PLEKHH1: variants seen among roughly 807,000 people sequenced by gnomAD.
PLEKHH1 encodes pleckstrin homology, MyTH4 and FERM domain containing H1, also known as pleckstrin homology domain-containing family H member 1.
A neutral mutation model predicts 160.0 loss-of-function variants in PLEKHH1; 104 were observed. The observed-to-expected ratio is 0.65, with a 90% CI of 0.55 to 0.76. The LOEUF (loss-of-function observed/expected upper bound fraction) is 0.76. Among genes scored for constraint, PLEKHH1 ranks in the 30% least tolerant of loss-of-function variants. The pLI, the probability that PLEKHH1 is intolerant of heterozygous loss-of-function variation, is 0.00. For synonymous variants in PLEKHH1, 619 were observed against 678.4 expected (o/e 0.91, Z 1.36); for missense variants, 1,427 against 1,724.1 (o/e 0.83, Z 3.05).
Position 67,569,985 on chromosome 14 carries a change from T to C in PLEKHH1, c.1407T>C (p.Thr469=), listed in dbSNP as rs1170138162. The change falls in exon 9 of 29, where the codon ACT becomes ACC. Residue 469 remains threonine (T), a synonymous_variant. Transcript: ENST00000329153. ...SFSGLVYKNV[T]VPVYTALKGR... ...CTGGCCTGGTCTACAAGAATGTCAC[T>C]GTGCCTGTCTACACAGCACTGAAGG... 16 of 1,606,464 alleles carry C rather than the reference T, an allele frequency of 1.0e-5. No individual in the cohort carries two copies. In the Admixed American group the frequency reaches 1.7e-4, roughly 17 times the overall value.
Position 67,562,204 on chromosome 14 carries a change from C to T in PLEKHH1, c.573C>T (p.Val191=), listed in dbSNP as rs2034871744. 1.2e-6 allele frequency: 2 copies of T among 1,611,350 alleles called. No homozygotes were observed. Among genetic ancestry groups the T allele is most frequent in the African/African-American group, 2.7e-5 (2 of 74,886 alleles). ...PPYGAAEQDS[V]PSEPGIQPMG... is the part of the protein sequence containing the mutation. The stretch of plus-strand genomic sequence containing the variant: ...ACGGAGCTGCAGAGCAGGATTCTGT[C>T]CCTTCAGAGCCGGGAATCCAGCCTA... Residue 191 remains valine, a synonymous_variant, in exon 7 of 29, where the codon GTC becomes GTT. Transcript: ENST00000329153.
At position 67,587,598 on chromosome 14, in the gene PLEKHH1, G is replaced by A. The variant is rs117101754; in HGVS notation, c.*363G>A. ...CTCAAGGAAGCTAATTTTCTTTCTG[G>A]GGGGGGCGGGGGACACAGTGTCACT... On this transcript the variant is annotated 3_prime_UTR_variant, in exon 29 of 29. Transcript: ENST00000329153. 2 of 290,006 alleles carry A rather than the reference G, an allele frequency of 6.9e-6. No homozygotes were observed. The highest frequency in any genetic ancestry group is 1.3e-5 in the Non-Finnish European group (2 of 150,120). The allele number at this position is 290,006 out of a possible 1,614,324, so 18.0% of individuals were successfully genotyped here.
At chr14:67,560,732 T>C (rs1266849603) in intron 5 of PLEKHH1, among the ~76,000 whole-genome samples, 5 of 149,980 alleles carry the variant, frequency 3.3e-5, no homozygotes, top group Admixed American at 6.6e-5. Context: ...TATATCTTTT[T>C]TTTTTTTTTT....
intron 3 of PLEKHH1, among the ~76,000 whole-genome samples, chr14:67,556,180 T>C (rs1481641215): frequency 6.6e-6 from 1 of 152,214 alleles, no homozygotes; most frequent in Non-Finnish European, 1.5e-5. Context: ...CCATTGAGGG[T>C]TAGCCAGTGA....
Position 67,557,437 on chromosome 14 carries a change from G to T in PLEKHH1, c.339+19G>T. 6.2e-7 allele frequency: 1 copy of T among 1,609,670 alleles called. No homozygotes were observed. The highest frequency in any genetic ancestry group is 1.1e-5 in the South Asian group (1 of 90,842). ...GAAGCAGGTAAGGGCTCATGCGCAAGGGAGCACCATGCCCTCTTCGACATC... is the reference window on the plus strand; with the variant it reads ...GAAGCAGGTAAGGGCTCATGCGCAATGGAGCACCATGCCCTCTTCGACATC... On this transcript the variant is annotated intron_variant, in intron 4 of 28. Coordinates refer to ENST00000329153, the MANE Select transcript of PLEKHH1 (RefSeq NM_020715.3).
chr14:67,571,789 A>G lies in PLEKHH1; in HGVS notation c.1472A>G (p.Glu491Gly). The change falls in exon 10 of 29, where the codon GAG becomes GGG. Residue 491 changes from glutamate (E) to glycine (G), a missense_variant. Glu to Gly is a moderately conservative substitution (Grantham distance 98, BLOSUM62 -2). This residue lies in a region of PLEKHH1 where 831 missense variants were observed against 929.2 expected (regional missense o/e 0.89). Transcript: ENST00000329153. ...ATCAGCAACATGCCCTTTATGGACG[A>G]GTCCTCTGGGTCTGACGATGACTGC... is the stretch of plus-strand genomic sequence containing the variant. The part of the protein sequence containing the change: ...TQISNMPFMD[E>G]SSGSDDDCSS... 6.2e-7 allele frequency: 1 copy of G among 1,613,880 alleles called. No homozygotes were observed. Among genetic ancestry groups the G allele is most frequent in the Non-Finnish European group, 8.5e-7 (1 of 1,179,852 alleles).
At position 67,582,565 on chromosome 14, in the gene PLEKHH1, T is replaced by A. The variant is rs1594793989; in HGVS notation, c.3426+355T>A. 6.6e-6 allele frequency among the ~76,000 whole-genome samples: 1 copy of A among 152,166 alleles called. No individual in the cohort carries two copies. The highest frequency in any genetic ancestry group is 6.5e-5 in the Admixed American group (1 of 15,270). ...CGGGAGCAGTGGCTCATGCCTGTAA[T>A]GTCAGCACTTTGCGAGGCCGAGGCG... On this transcript the variant is annotated intron_variant, in intron 24 of 28. Coordinates refer to ENST00000329153, the MANE Select transcript of PLEKHH1 (RefSeq NM_020715.3). The surrounding 1 kb of genome is among the most constrained non-coding windows in gnomAD (Gnocchi z 5.0).
At position 67,572,180 on chromosome 14, in the gene PLEKHH1, C is replaced by T. The variant is rs2140471519; in HGVS notation, c.1631C>T (p.Pro544Leu). ...AGCTCCGAGGGTGACTACGCCATCC[C>T]CCCGGACGCCTGCTCACTGGACAGT... ...SLSSEGDYAI[P>L]PDACSLDSDY... Residue 544 changes from proline to leucine, a missense_variant, in exon 11 of 29, where the codon CCC becomes CTC. This residue lies in a region of PLEKHH1 where 831 missense variants were observed against 929.2 expected (regional missense o/e 0.89). Coordinates refer to ENST00000329153, the MANE Select transcript of PLEKHH1 (RefSeq NM_020715.3). 7 of 1,607,850 alleles carry T rather than the reference C, an allele frequency of 4.4e-6. No individual in the cohort carries two copies. The highest frequency in any genetic ancestry group is 5.9e-6 in the Non-Finnish European group (7 of 1,177,458).
rs1555373378 is a variant in PLEKHH1 at position 67,582,658 on chromosome 14, AAAT to A, written c.3426+451_3426+453del. On this transcript the variant is annotated intron_variant, in intron 24 of 28. Transcript: ENST00000329153. The surrounding 1 kb of genome is among the most constrained non-coding windows in gnomAD (Gnocchi z 5.0). ...GTGAAACCCTGTCTCTACTGAAAAA[AAAT>A]AAAATAAAATAAAATAAAAATAAAA... 6.6e-6 allele frequency among the ~76,000 whole-genome samples: 1 copy of A among 151,892 alleles called. No homozygotes were observed. Among genetic ancestry groups the A allele is most frequent in the Admixed American group, 6.6e-5 (1 of 15,222 alleles).
chr14:67,536,744 A>G (rs1019156215), intron 1 of PLEKHH1, among the ~76,000 whole-genome samples: 2 of 151,890 alleles, frequency 1.3e-5, no homozygotes, highest in African/African-American at 4.9e-5. Flanking sequence ...AGTTGTTTGT[A>G]TTAAACTTAA....
chr14:67,542,092 G>A lies in PLEKHH1; in HGVS notation c.126+99G>A, dbSNP rs952699374. On this transcript the variant is annotated intron_variant, in intron 2 of 28. Coordinates refer to ENST00000329153, the MANE Select transcript of PLEKHH1 (RefSeq NM_020715.3). Reference sequence around the variant, plus strand: ...GAGAGTTGCGGAAAGTCAACTTTCAGTAAGATGCTTTTCCCCATATGCAAA... The same window carrying A: ...GAGAGTTGCGGAAAGTCAACTTTCAATAAGATGCTTTTCCCCATATGCAAA... 1.1e-5 allele frequency: 12 copies of A among 1,133,652 alleles called. No individual in the cohort carries two copies. The African/African-American group carries it at 1.9e-4, about 18-fold the overall frequency. The allele number at this position is 1,133,652 out of a possible 1,614,324, so 70.2% of individuals were successfully genotyped here.
chr14:67,583,478 T>C (rs2035998949), intron 24 of PLEKHH1, among the ~76,000 whole-genome samples: 1 of 152,200 alleles, frequency 6.6e-6, no homozygotes, highest in Non-Finnish European at 1.5e-5. Flanking sequence ...CGGCTACCAA[T>C]TAACTGTGTC....
chr14:67,585,566 A>G lies in PLEKHH1; in HGVS notation c.3700-2A>G, dbSNP rs1162896376. 4 of 1,572,934 alleles carry G rather than the reference A, an allele frequency of 2.5e-6. No homozygotes were observed. The Admixed American group carries it at 7.3e-5, about 29-fold the overall frequency. On this transcript the variant is annotated splice_acceptor_variant, in intron 26 of 28. Coordinates refer to ENST00000329153, the MANE Select transcript of PLEKHH1 (RefSeq NM_020715.3). LOFTEE classifies it high-confidence loss of function. ...TCTGATGGGTTGTTTCTGTTTCCCC[A>G]GCCTGCCCAGCTGTCTTCCAAGGAG...
Position 67,562,872 on chromosome 14 carries a change from C to A in PLEKHH1, c.1241C>A (p.Pro414Gln), listed in dbSNP as rs766638458. 2 of 1,612,872 alleles carry A rather than the reference C, an allele frequency of 1.2e-6. No individual in the cohort carries two copies. The highest frequency in any genetic ancestry group is 1.1e-5 in the South Asian group (1 of 91,022). Reference protein sequence around the residue: ...VELGNKPPTPPLHQFSSWESR... With the variant: ...VELGNKPPTPQLHQFSSWESR... ...CTGGGTAACAAGCCACCTACACCCC[C>A]GCTGCACCAGTTTTCATCCTGGGTA... The change falls in exon 7 of 29, where the codon CCG becomes CAG. Residue 414 changes from proline to glutamine, a missense_variant. Physicochemically the swap from Pro to Gln is moderately conservative, Grantham distance 76. Coordinates refer to ENST00000329153, the MANE Select transcript of PLEKHH1 (RefSeq NM_020715.3).
chr14:67,577,240 T>C, intron 17 of PLEKHH1, 62 bp from the exon 18 acceptor site: 1 of 998,262 alleles, frequency 1.0e-6, no homozygotes, highest in Non-Finnish European at 1.5e-6. Context: ...TGGCGGTGAG[T>C]GGGAGATGAG....
intron 2 of PLEKHH1, among the ~76,000 whole-genome samples, chr14:67,554,016 G>A (rs1456193365): frequency 6.6e-6 from 1 of 152,204 alleles, no homozygotes; most frequent in African/African-American, 2.4e-5. Context: ...CATATGGGTT[G>A]TAAGTCTTGA....
At chr14:67,561,725 C>G (rs2034842109) in intron 5 of PLEKHH1, among the ~76,000 whole-genome samples, 1 of 151,860 alleles carries the variant, frequency 6.6e-6, no homozygotes, top group Non-Finnish European at 1.5e-5. Context: ...ACGAAATTAA[C>G]TGGGCCTGGT....
At chr14:67,563,093 G>A (rs762135103) in intron 7 of PLEKHH1, among the ~76,000 whole-genome samples, 199 bp downstream of exon 7, 3 of 152,218 alleles carry the variant, frequency 2.0e-5, no homozygotes, top group Admixed American at 1.3e-4. Context: ...TGTGAATGGC[G>A]GTTGGCTGTC....
At chr14:67,555,956 CGGACACAGGT>C in intron 3 of PLEKHH1, 69 bp downstream of exon 3, 1 of 1,576,674 alleles carries the variant, frequency 6.3e-7, no homozygotes, top group Non-Finnish European at 8.6e-7. Context: ...GCCCTTCCCA[CGGACACAGGT>C]GGACACATAC....
Sources: gnomAD v4.1 joint callset for allele counts (sites outside exome capture counted in the v4.1 genomes callset) on GRCh38, gnomAD v4.1.1 for gene constraint, gnomAD v4.1.1 regional missense constraint, Gnocchi (gnomAD v3.1) non-coding constraint, MANE v1.5 for transcripts, NCBI Gene and HGNC (gene_info 2026-07-23, HGNC 2026-07-21) for gene names.